The following SLC30A6 variants were observed in gnomAD, a reference collection of about 807,000 sequenced individuals.
SLC30A6 encodes zinc transporter 6.
SLC30A6 carries 55 observed loss-of-function variants against 63.0 expected under a neutral mutation model. That is an observed-to-expected ratio of 0.87 (90% CI 0.70 to 1.09). The LOEUF (loss-of-function observed/expected upper bound fraction) is 1.09, where lower values mean the gene tolerates loss of function less well. Among genes scored for constraint, SLC30A6 ranks in the 50% least tolerant of loss-of-function variants. The pLI is 0.00. For synonymous variants in SLC30A6, 224 were observed against 186.1 expected, an observed-to-expected ratio of 1.20 and a Z score of -1.66; for missense variants, 587 against 549.2, an observed-to-expected ratio of 1.07 and a Z score of -0.69.
chr2:32,208,808 C>T (rs1024701587), intron 12 of SLC30A6, among the ~76,000 whole-genome samples: 1 of 152,190 alleles, frequency 6.6e-6, no homozygotes, highest in Non-Finnish European at 1.5e-5. Flanking sequence ...GCCACCATGC[C>T]CAGCCTAGAC....
rs1686251480 is a variant in SLC30A6, at chr2:32,223,513, C to G, written c.*2800C>G. 1 of 152,192 alleles carries G rather than the reference C, an allele frequency of 6.6e-6. No individual in the cohort carries two copies. Among genetic ancestry groups the G allele is most frequent in the Non-Finnish European group, 1.5e-5 (1 of 68,042 alleles). 9.4% of individuals were successfully genotyped at this position (152,192 alleles called of 1,614,324 possible). A position where few individuals can be genotyped will look rare whatever the true frequency, so the allele number is the denominator to read the frequency against. On this transcript the variant is annotated 3_prime_UTR_variant, in exon 14 of 14. Coordinates refer to ENST00000282587, the MANE Select transcript of SLC30A6 (RefSeq NM_017964.5). ...TTAATTAGTTGATCTGTAAAATAAT[C>G]AGCTTCAAAACGTTATGGCTAAATC...
intron 8 of SLC30A6, among the ~76,000 whole-genome samples, chr2:32,195,421 C>G (rs1034166975): frequency 6.6e-6 from 1 of 151,886 alleles, no homozygotes; most frequent in Non-Finnish European, 1.5e-5. Flanking sequence ...ATTAAATACT[C>G]TTTGAATGTA....
At chr2:32,217,445 G>A (rs547720447) in intron 13 of SLC30A6, among the ~76,000 whole-genome samples, 1 of 152,254 alleles carries the variant, frequency 6.6e-6, no homozygotes, top group East Asian at 1.9e-4. Flanking sequence ...CTTTTTACCA[G>A]TACCATGCTG....
At chr2:32,216,343 C>T (rs1344794860) in intron 13 of SLC30A6, among the ~76,000 whole-genome samples, 1 of 152,114 alleles carries the variant, frequency 6.6e-6, no homozygotes, top group Non-Finnish European at 1.5e-5. Flanking sequence ...CAAGACCAGC[C>T]TGGCCAACAT....
At chr2:32,201,698 T>C in intron 10 of SLC30A6, 1 of 1,435,808 alleles carries the variant, frequency 7.0e-7, no homozygotes, top group Admixed American at 2.0e-5. Flanking sequence ...GCTTTATGGA[T>C]ATCACAGTTT....
intron 13 of SLC30A6, among the ~76,000 whole-genome samples, chr2:32,217,272 ATTC>A (rs1685793243): frequency 6.6e-6 from 1 of 152,206 alleles, no homozygotes; most frequent in African/African-American, 2.4e-5. Context: ...GTCCAGCTTC[ATTC>A]TTCTGCATAT....
chr2:32,206,095 T>G (rs1684743852), intron 11 of SLC30A6, among the ~76,000 whole-genome samples: 1 of 152,154 alleles, frequency 6.6e-6, no homozygotes, highest in African/African-American at 2.4e-5. Context: ...AAACTTAAAA[T>G]CTTAAATGAC....
intron 4 of SLC30A6, among the ~76,000 whole-genome samples, chr2:32,178,505 C>T (rs1681993789): frequency 6.6e-6 from 1 of 152,122 alleles, no homozygotes; most frequent in African/African-American, 2.4e-5. Flanking sequence ...AAAACTCCAT[C>T]TCTACTAAAA....
chr2:32,202,039 G>A, intron 10 of SLC30A6: 2 of 1,023,448 alleles, frequency 2.0e-6, no homozygotes, highest in Middle Eastern at 3.4e-4. Flanking sequence ...AAAAAAGCAA[G>A]TATCATCCTT....
Position 32,197,761 on chromosome 2 carries a change from A to G in SLC30A6, c.600A>G (p.Pro200=), listed in dbSNP as rs996393257. Residue 200 remains proline (P), a synonymous_variant, in exon 10 of 14, where the codon CCA becomes CCG. Coordinates refer to ENST00000282587, the MANE Select transcript of SLC30A6 (RefSeq NM_017964.5). ...LSSIFLPRMN[P]FVLIDLAGAF... ...GTATCTTCCTTCCCCGAATGAATCCATTTGTTTTGATTGATCTTGCTGGAG... is the reference window on the plus strand; with the variant it reads ...GTATCTTCCTTCCCCGAATGAATCCGTTTGTTTTGATTGATCTTGCTGGAG... The G allele has an allele frequency of 5.6e-6, 9 of 1,614,080 alleles. No homozygotes were observed. The highest frequency in any genetic ancestry group is 1.3e-5 in the African/African-American group (1 of 75,038).
chr2:32,213,893 T>G (rs1451420076), intron 13 of SLC30A6, among the ~76,000 whole-genome samples: 2 of 142,892 alleles, frequency 1.4e-5, no homozygotes, highest in Non-Finnish European at 3.0e-5. Flanking sequence ...AACCTCCGCC[T>G]CCTGAGTTCA....
chr2:32,204,811 A>ATTTTTT (rs71407425), intron 11 of SLC30A6, 119 bp downstream of exon 11: 2 of 183,082 alleles, frequency 1.1e-5, no homozygotes, highest in Non-Finnish European at 1.9e-5. Flanking sequence ...TTTAATTTTA[A>ATTTTTT]TTTTTTTTTT....
chr2:32,204,275 C>G (rs1464992467), intron 10 of SLC30A6, among the ~76,000 whole-genome samples: 1 of 152,114 alleles, frequency 6.6e-6, no homozygotes, highest in East Asian at 1.9e-4. Flanking sequence ...AAACATATTT[C>G]AGCTCTTTCT....
At chr2:32,187,722 C>G (rs1405343875) in intron 5 of SLC30A6, among the ~76,000 whole-genome samples, 1 of 152,146 alleles carries the variant, frequency 6.6e-6, no homozygotes. Flanking sequence ...AAAACCTATT[C>G]CTTTGTAGTT....
intron 4 of SLC30A6, among the ~76,000 whole-genome samples, chr2:32,178,083 G>T (rs1229301850): frequency 6.6e-6 from 1 of 151,638 alleles, no homozygotes; most frequent in East Asian, 2.0e-4. Flanking sequence ...GAGTAGCTGG[G>T]ACTACAGGCA....
chr2:32,185,283 C>G (rs1682706707), intron 5 of SLC30A6, among the ~76,000 whole-genome samples: 1 of 151,706 alleles, frequency 6.6e-6, no homozygotes, highest in African/African-American at 2.4e-5. Flanking sequence ...ATTGCTTAAG[C>G]CAGGAGTTTG....
chr2:32,195,786 C>G (rs931506615), intron 8 of SLC30A6, among the ~76,000 whole-genome samples: 2 of 151,944 alleles, frequency 1.3e-5, no homozygotes. Context: ...AAGCAGTCCT[C>G]TCACATCAGC....
intron 2 of SLC30A6, 23 bp from the exon 3 acceptor site, chr2:32,174,040 A>G (rs377607040): frequency 6.3e-7 from 1 of 1,587,742 alleles, no homozygotes; most frequent in Non-Finnish European, 8.6e-7. Flanking sequence ...CTGTACACAT[A>G]AGAGTGATTT....
chr2:32,166,769 G>A (rs1464484422), intron 1 of SLC30A6, among the ~76,000 whole-genome samples: 1 of 152,190 alleles, frequency 6.6e-6, no homozygotes, highest in African/African-American at 2.4e-5. Context: ...AAGTGGATAT[G>A]GTCGGGAAAA....
Sources: allele counts gnomAD v4.1 joint callset (sites outside exome capture counted in the v4.1 genomes callset), GRCh38; gene constraint gnomAD v4.1.1; transcripts MANE v1.5; gene names NCBI Gene and HGNC (gene_info 2026-07-23, HGNC 2026-07-21).